Variants in PITPNC1 observed in about 807,000 individuals in gnomAD.
The protein encoded by PITPNC1 is phosphatidylinositol transfer protein cytoplasmic 1, also known as cytoplasmic phosphatidylinositol transfer protein 1.
PITPNC1 carries 18 observed loss-of-function variants against 44.7 expected under a neutral mutation model. That is an observed-to-expected ratio of 0.40 (90% CI 0.28 to 0.60). The LOEUF (loss-of-function observed/expected upper bound fraction) is 0.60, where lower values mean the gene tolerates loss of function less well. Among genes scored for constraint, PITPNC1 ranks in the 20% least tolerant of loss-of-function variants. The probability of loss-of-function intolerance (pLI) is 0.39; values close to 1 mark genes in which losing one functional copy is unlikely to be tolerated. For missense variants in PITPNC1, 290 were observed against 418.4 expected (o/e 0.69, Z 2.68); for synonymous variants, 141 against 149.6 (o/e 0.94, Z 0.42).
intron 1 of PITPNC1, among the ~76,000 whole-genome samples, chr17:67,412,913 T>C (rs1313798594): frequency 6.6e-6 from 1 of 152,224 alleles, no homozygotes; most frequent in East Asian, 1.9e-4. Context: ...ATCTTTCCCA[T>C]TTGCAAGTTA....
At chr17:67,457,375 T>A (rs2039270084) in intron 1 of PITPNC1, 1 of 139,448 alleles carries the variant, frequency 7.2e-6, no homozygotes, top group Admixed American at 6.9e-5. Flanking sequence ...GGCTGTTTTT[T>A]GTTTTTTGTT....
At position 67,508,552 on chromosome 17, in the gene PITPNC1, C is replaced by T. The variant is rs1341171207; in HGVS notation, c.49-24250C>T. Among the ~76,000 whole-genome samples the T allele has an allele frequency of 6.6e-6, 1 of 152,160 alleles. No homozygotes were observed. The highest frequency in any genetic ancestry group is 2.4e-5 in the African/African-American group (1 of 41,420). On this transcript the variant is annotated intron_variant, in intron 1 of 8. Transcript: ENST00000581322. The surrounding 1 kb of genome is among the most constrained non-coding windows in gnomAD (Gnocchi z 4.2). The stretch of plus-strand genomic sequence containing the variant: ...ACCTGTTTTTTTATGACCTGTATCT[C>T]ACGCCGACCTTCTGTCTCATCCTGT...
chr17:67,571,175 A>C (rs1275874423), intron 4 of PITPNC1, among the ~76,000 whole-genome samples: 1 of 152,216 alleles, frequency 6.6e-6, no homozygotes, highest in Non-Finnish European at 1.5e-5. Context: ...TCATGCCTAT[A>C]ATACCAGCAC....
In PITPNC1 at chr17:67,462,698, A is replaced by ATT. The variant is rs34015766; in HGVS notation, c.49-70084_49-70083dup. Among the ~76,000 whole-genome samples the ATT allele has an allele frequency of 5.1e-4, 63 of 122,348 alleles. 1 individual carries two copies. The highest frequency in any genetic ancestry group is 1.5e-3 in the African/African-American group (48 of 31,548). 80.3% of individuals were successfully genotyped at this position (122,348 alleles called of 152,430 possible). On this transcript the variant is annotated intron_variant, in intron 1 of 8. Coordinates refer to ENST00000581322, the MANE Select transcript of PITPNC1 (RefSeq NM_012417.4). ...ATGTAATGATTATTTCACAATTGGA[A>ATT]TTTTTTTTTTTTTTTTTTTTTGAGA...
chr17:67,477,995 G>A (rs1463540474), intron 1 of PITPNC1, among the ~76,000 whole-genome samples: 25 of 152,132 alleles, frequency 1.6e-4, no homozygotes, highest in Admixed American at 1.6e-3. Flanking sequence ...CTTCCCCGAG[G>A]ATGAGAGGTT....
intron 2 of PITPNC1, among the ~76,000 whole-genome samples, chr17:67,541,042 C>A (rs1456429752): frequency 6.6e-6 from 1 of 152,030 alleles, no homozygotes; most frequent in Non-Finnish European, 1.5e-5. Context: ...CATGGTGAAA[C>A]CCTGCCTGCT....
At chr17:67,494,828 C>T (rs1375729152) in intron 1 of PITPNC1, among the ~76,000 whole-genome samples, 3 of 151,792 alleles carry the variant, frequency 2.0e-5, no homozygotes, top group Non-Finnish European at 4.4e-5. Flanking sequence ...AAAAATTAGT[C>T]GGACGTGGTG....
chr17:67,378,152 A>C lies in PITPNC1; in HGVS notation c.-3A>C. On this transcript the variant is annotated 5_prime_UTR_variant, in exon 1 of 9. Coordinates refer to ENST00000581322, the MANE Select transcript of PITPNC1 (RefSeq NM_012417.4). ...GCCCCGGGGGTCCGCGGCCGGCAGGACCATGCTGCTGAAAGAGTACCGGAT... is the reference window on the plus strand; with the variant it reads ...GCCCCGGGGGTCCGCGGCCGGCAGGCCCATGCTGCTGAAAGAGTACCGGAT... 6.5e-7 allele frequency: 1 copy of C among 1,541,336 alleles called. No homozygotes were observed. Among genetic ancestry groups the C allele is most frequent in the Non-Finnish European group, 8.7e-7 (1 of 1,147,262 alleles).
chr17:67,666,032 G>A lies in PITPNC1; in HGVS notation c.463-3476G>A, dbSNP rs60407435. Among the ~76,000 whole-genome samples the A allele has an allele frequency of 2.9e-3, 435 of 151,968 alleles. 2 individuals carry two copies. The highest frequency in any genetic ancestry group is 9.6e-3 in the African/African-American group (398 of 41,452). ...ATTTTTTTATATTTTTAGTAGAGAC[G>A]GGCTTTTACCATGTTGCCCAGGCTG... On this transcript the variant is annotated intron_variant, in intron 6 of 8. Coordinates refer to ENST00000581322, the MANE Select transcript of PITPNC1 (RefSeq NM_012417.4).
chr17:67,544,455 G>A (rs2040650994), intron 2 of PITPNC1, among the ~76,000 whole-genome samples: 2 of 152,200 alleles, frequency 1.3e-5, no homozygotes, highest in Non-Finnish European at 2.9e-5. Context: ...CTATTTTTAG[G>A]CTTGTTTTTC....
intron 1 of PITPNC1, among the ~76,000 whole-genome samples, chr17:67,473,530 A>T (rs1375989500): frequency 1.3e-5 from 2 of 148,158 alleles, no homozygotes; most frequent in Non-Finnish European, 3.0e-5. Flanking sequence ...ACGGGGTTTC[A>T]CCGACCTCGT....
intron 1 of PITPNC1, among the ~76,000 whole-genome samples, chr17:67,398,550 C>A (rs2038257009): frequency 6.6e-6 from 1 of 152,064 alleles, no homozygotes; most frequent in South Asian, 2.1e-4. Flanking sequence ...TTGACCAGTG[C>A]CGGCTGCAGG....
chr17:67,425,876 C>T (rs142839287), intron 1 of PITPNC1, among the ~76,000 whole-genome samples: 5 of 152,166 alleles, frequency 3.3e-5, no homozygotes, highest in South Asian at 2.1e-4. Context: ...TTGCCTTTGC[C>T]GATCATAAGG....
chr17:67,550,955 G>A (rs1183476220), intron 2 of PITPNC1, among the ~76,000 whole-genome samples: 1 of 152,150 alleles, frequency 6.6e-6, no homozygotes, highest in Non-Finnish European at 1.5e-5. Flanking sequence ...CAGCTACTCA[G>A]GAGGCTGAGG....
intron 8 of PITPNC1, among the ~76,000 whole-genome samples, chr17:67,680,524 C>T (rs545598212): frequency 6.3e-4 from 95 of 151,538 alleles, no homozygotes; most frequent in African/African-American, 2.2e-3. Flanking sequence ...CGCTTGAACC[C>T]GGGAGGCAGA....
chr17:67,425,193 G>GCGCACACACACA (rs1160522771), intron 1 of PITPNC1, among the ~76,000 whole-genome samples: 1 of 52,118 alleles, frequency 1.9e-5, no homozygotes, highest in Admixed American at 2.0e-4. Context: ...TTGTGCGCGC[G>GCGCACACACACA]CACGCACACG....
chr17:67,640,704 A>C (rs796410432), intron 6 of PITPNC1, among the ~76,000 whole-genome samples: 3 of 147,310 alleles, frequency 2.0e-5, no homozygotes, highest in Non-Finnish European at 4.5e-5. Context: ...AAAAAAAAAA[A>C]AGAGGCCGGG....
chr17:67,685,718 C>T (rs182187609), intron 8 of PITPNC1, among the ~76,000 whole-genome samples: 146 of 152,180 alleles, frequency 9.6e-4, no homozygotes, highest in Non-Finnish European at 1.4e-3. Flanking sequence ...ACCAAGGAGC[C>T]GGGTAGGGGT....
At chr17:67,429,349 A>C (rs2143891143) in intron 1 of PITPNC1, among the ~76,000 whole-genome samples, 1 of 152,266 alleles carries the variant, frequency 6.6e-6, no homozygotes, top group Non-Finnish European at 1.5e-5. Flanking sequence ...AATTTAAAAG[A>C]AATTTTGGGG....
Sources: allele counts gnomAD v4.1 joint callset (sites outside exome capture counted in the v4.1 genomes callset), GRCh38; gene constraint gnomAD v4.1.1; non-coding constraint Gnocchi (gnomAD v3.1); transcripts MANE v1.5; gene names NCBI Gene and HGNC (gene_info 2026-07-23, HGNC 2026-07-21).